BRINP3: variants seen among roughly 807,000 people sequenced by gnomAD.
BRINP3 encodes the protein BMP/retinoic acid inducible neural specific 3.
In BRINP3, 19 loss-of-function variants were observed where a neutral mutation model predicts 71.0. That is an observed-to-expected ratio of 0.27 (90% CI 0.19 to 0.39). The LOEUF is 0.39. Ranked by LOEUF, BRINP3 falls within the 10% of genes least tolerant of loss-of-function variation. BRINP3 has a pLI of 1.00. For missense variants in BRINP3, 959 were observed against 940.8 expected, an observed-to-expected ratio of 1.02 and a Z score of -0.25; for synonymous variants, 380 against 337.7, an observed-to-expected ratio of 1.13 and a Z score of -1.37.
At chr1:190,350,502 C>G (rs1447167671) in intron 2 of BRINP3, among the ~76,000 whole-genome samples, 1 of 152,044 alleles carries the variant, frequency 6.6e-6, no homozygotes, top group Admixed American at 6.6e-5. Flanking sequence ...TACTAAAATG[C>G]TAAACTCAAA....
chr1:190,474,187 T>C (rs972872417), intron 1 of BRINP3, among the ~76,000 whole-genome samples: 1 of 152,208 alleles, frequency 6.6e-6, no homozygotes. Context: ...TTTTGTAACA[T>C]GGCTACACAT....
intron 6 of BRINP3, among the ~76,000 whole-genome samples, chr1:190,180,921 G>A: frequency 6.6e-6 from 1 of 151,888 alleles, no homozygotes; most frequent in East Asian, 1.9e-4. Context: ...TTTTACATCA[G>A]TAAAGCACAA....
chr1:190,160,051 T>C (rs1657215362), intron 7 of BRINP3, among the ~76,000 whole-genome samples: 1 of 152,048 alleles, frequency 6.6e-6, no homozygotes, highest in Non-Finnish European at 1.5e-5. Context: ...GTTTTCGAAC[T>C]GACCTCAAAT....
At chr1:190,230,774 AAC>A (rs1157593609) in intron 5 of BRINP3, among the ~76,000 whole-genome samples, 1 of 151,470 alleles carries the variant, frequency 6.6e-6, no homozygotes, top group Admixed American at 6.6e-5. Context: ...AAATTCTTCA[AAC>A]ACTCACACAC....
intron 6 of BRINP3, among the ~76,000 whole-genome samples, chr1:190,193,759 T>C (rs1654247033): frequency 6.6e-6 from 1 of 152,074 alleles, no homozygotes; most frequent in South Asian, 2.1e-4. Flanking sequence ...GAGATGCAAA[T>C]CTACTCCCAG....
At chr1:190,303,974 A>C (rs1664913919) in intron 2 of BRINP3, among the ~76,000 whole-genome samples, 1 of 151,820 alleles carries the variant, frequency 6.6e-6, no homozygotes, top group African/African-American at 2.4e-5. Flanking sequence ...ATTGCCATTC[A>C]TATAAAAGTT....
chr1:190,454,065 T>C (rs1388408957), intron 2 of BRINP3, among the ~76,000 whole-genome samples: 1 of 152,232 alleles, frequency 6.6e-6, no homozygotes, highest in Non-Finnish European at 1.5e-5. Context: ...TTGTGTAACT[T>C]ATTTAGATTT....
In BRINP3 at chr1:190,285,432, C is replaced by T. The variant is rs574140558; in HGVS notation, c.237-3682G>A. Among the ~76,000 whole-genome samples, 4 of 152,108 alleles carry T rather than the reference C, an allele frequency of 2.6e-5. No individual in the cohort carries two copies. The East Asian group carries it at 7.8e-4, about 30-fold the overall frequency. Reference sequence around the variant, plus strand: ...GTCCACATATATCCCTAACGCTTAACAGGATGAACAAGTGAATGAACTGAA... The same window carrying T: ...GTCCACATATATCCCTAACGCTTAATAGGATGAACAAGTGAATGAACTGAA... On this transcript the variant is annotated intron_variant, in intron 2 of 7. Transcript: ENST00000367462.
At chr1:190,195,392 A>G (rs1654390422) in intron 6 of BRINP3, among the ~76,000 whole-genome samples, 1 of 152,016 alleles carries the variant, frequency 6.6e-6, no homozygotes, top group Admixed American at 6.6e-5. Context: ...TTTACAGATT[A>G]AAAATCTGAA....
chr1:190,227,579 A>G (rs940687450), intron 5 of BRINP3, among the ~76,000 whole-genome samples: 4 of 151,888 alleles, frequency 2.6e-5, no homozygotes, highest in Non-Finnish European at 5.9e-5. Flanking sequence ...TTCAATAAAT[A>G]TAATTAATTG....
intron 6 of BRINP3, among the ~76,000 whole-genome samples, chr1:190,176,482 A>C (rs1652518082): frequency 6.6e-6 from 1 of 152,174 alleles, no homozygotes; most frequent in Non-Finnish European, 1.5e-5. Context: ...CCATCCTGAA[A>C]CCCTATGTGA....
chr1:190,402,862 G>A (rs1672021438), intron 2 of BRINP3, among the ~76,000 whole-genome samples: 1 of 152,142 alleles, frequency 6.6e-6, no homozygotes, highest in African/African-American at 2.4e-5. Flanking sequence ...CTCCTGAGGA[G>A]CTAGGAGGCA....
chr1:190,343,009 T>C (rs1667768970), intron 2 of BRINP3, among the ~76,000 whole-genome samples: 1 of 151,798 alleles, frequency 6.6e-6, no homozygotes, highest in Admixed American at 6.6e-5. Flanking sequence ...CGAAGAACTA[T>C]GGTGGCTCTT....
intron 2 of BRINP3, among the ~76,000 whole-genome samples, chr1:190,377,613 C>A (rs1670264521): frequency 6.8e-6 from 1 of 147,608 alleles, no homozygotes; most frequent in African/African-American, 2.5e-5. Context: ...ATATATAAAA[C>A]CTGAAAGAAC....
chr1:190,401,363 C>T (rs1240398727), intron 2 of BRINP3, among the ~76,000 whole-genome samples: 5 of 138,712 alleles, frequency 3.6e-5, no homozygotes, highest in Admixed American at 1.5e-4. Context: ...AGGCACCAGT[C>T]CCCATCTCAA....
intron 4 of BRINP3, among the ~76,000 whole-genome samples, chr1:190,243,076 T>C (rs1659263326): frequency 6.6e-6 from 1 of 152,140 alleles, no homozygotes; most frequent in African/African-American, 2.4e-5. Flanking sequence ...TGAGAGAGAC[T>C]ATGCTAATTC....
At chr1:190,118,239 A>T (rs1231883953) in intron 7 of BRINP3, among the ~76,000 whole-genome samples, 1 of 152,122 alleles carries the variant, frequency 6.6e-6, no homozygotes, top group Admixed American at 6.6e-5. Context: ...AGGTAAGAAA[A>T]TATGGTAGCA....
chr1:190,393,971 C>T (rs907301127), intron 2 of BRINP3, among the ~76,000 whole-genome samples: 3 of 151,546 alleles, frequency 2.0e-5, no homozygotes, highest in African/African-American at 4.8e-5. Flanking sequence ...TGCCTGAAAA[C>T]TATTTAACTT....
chr1:190,107,806 C>CA (rs1652311352), intron 7 of BRINP3, among the ~76,000 whole-genome samples: 1 of 151,882 alleles, frequency 6.6e-6, no homozygotes, highest in African/African-American at 2.4e-5. Flanking sequence ...GAAAATGTAA[C>CA]AGTGAACACT....
Sources: gnomAD v4.1 joint callset for allele counts (sites outside exome capture counted in the v4.1 genomes callset) on GRCh38, gnomAD v4.1.1 for gene constraint, MANE v1.5 for transcripts, NCBI Gene and HGNC (gene_info 2026-07-23, HGNC 2026-07-21) for gene names.